Variants in PLS1 observed in about 807,000 individuals in gnomAD.
PLS1 encodes the protein plastin 1.
A neutral mutation model predicts 73.7 loss-of-function variants in PLS1; 32 were observed. That is an observed-to-expected ratio of 0.43 (90% confidence interval 0.33 to 0.58). The LOEUF is 0.58. PLS1 is among the 20% of genes least tolerant of loss of function. The probability of loss-of-function intolerance (pLI) is 0.04; values close to 1 mark genes in which losing one functional copy is unlikely to be tolerated. For missense variants in PLS1, 633 were observed against 740.5 expected, an observed-to-expected ratio of 0.85 and a Z score of 1.68; for synonymous variants, 217 against 261.3, an observed-to-expected ratio of 0.83 and a Z score of 1.63.
chr3:142,686,253 T>A, intron 8 of PLS1, 31 bp from the exon 9 acceptor site: 1 of 1,284,574 alleles, frequency 7.8e-7, no homozygotes, highest in South Asian at 1.2e-5. Flanking sequence ...TTATTCGTTT[T>A]AAAAATGCTA....
intron 1 of PLS1, among the ~76,000 whole-genome samples, chr3:142,602,105 C>G (rs948064842): frequency 1.9e-5 from 2 of 103,698 alleles, no homozygotes; most frequent in East Asian, 2.4e-4. Flanking sequence ...TAAATCGTTC[C>G]GGTTTTTTTT....
chr3:142,621,032 A>AAAATAAAATG (rs1180432565), intron 1 of PLS1, among the ~76,000 whole-genome samples: 1 of 152,120 alleles, frequency 6.6e-6, no homozygotes, highest in African/African-American at 2.4e-5. Context: ...AAAATAAAAT[A>AAAATAAAATG]AAATAAAAGA....
intron 1 of PLS1, among the ~76,000 whole-genome samples, chr3:142,608,574 T>A (rs2036066120): frequency 6.6e-6 from 1 of 152,158 alleles, no homozygotes; most frequent in Non-Finnish European, 1.5e-5. Context: ...GTAGAAGAGA[T>A]GAGATTTGAA....
intron 14 of PLS1, among the ~76,000 whole-genome samples, chr3:142,707,963 G>A (rs1308312134): frequency 6.6e-6 from 1 of 152,058 alleles, no homozygotes; most frequent in Non-Finnish European, 1.5e-5. Context: ...GTGTGACCAT[G>A]GGCAAGTTAT....
intron 6 of PLS1, among the ~76,000 whole-genome samples, chr3:142,681,867 A>G (rs557396742): frequency 6.6e-6 from 1 of 152,316 alleles, no homozygotes. Context: ...AACATGTTGC[A>G]ACTCCTTATT....
intron 1 of PLS1, among the ~76,000 whole-genome samples, chr3:142,620,188 G>C (rs768800232): frequency 6.6e-6 from 1 of 151,614 alleles, no homozygotes; most frequent in African/African-American, 2.4e-5. Flanking sequence ...GCAGTGGCAC[G>C]ATCTCGGCTC....
chr3:142,648,415 A>C (rs1205589372), intron 1 of PLS1, among the ~76,000 whole-genome samples: 1 of 152,184 alleles, frequency 6.6e-6, no homozygotes, highest in African/African-American at 2.4e-5. Flanking sequence ...CTCATGAAGG[A>C]AATTGAAGTA....
rs1170933037 is a variant in PLS1, at chr3:142,600,916, A to ATTTTTTTT, written c.-37+4425_-37+4432dup. ...TATATATATATATATATATATATAT[A>ATTTTTTTT]TTTTTTTTTTTTTTTTTTTTTTTTT... On this transcript the variant is annotated intron_variant, in intron 1 of 15. Transcript: ENST00000457734. Among the ~76,000 whole-genome samples, 56 of 14,840 alleles carry ATTTTTTTT rather than the reference A, an allele frequency of 3.8e-3. 13 individuals are homozygous for ATTTTTTTT. The highest frequency in any genetic ancestry group is 3.9e-3 in the Non-Finnish European group (35 of 8,992). 9.7% of individuals were successfully genotyped at this position (14,840 alleles called of 152,430 possible).
intron 1 of PLS1, among the ~76,000 whole-genome samples, chr3:142,642,773 C>T (rs2036868761): frequency 1.3e-5 from 2 of 152,312 alleles, no homozygotes; most frequent in South Asian, 4.1e-4. Context: ...TTTGCAGCCT[C>T]GACCTCCTGG....
intron 1 of PLS1, among the ~76,000 whole-genome samples, chr3:142,603,268 G>A (rs1190277004): frequency 6.6e-6 from 1 of 152,144 alleles, no homozygotes; most frequent in Non-Finnish European, 1.5e-5. Context: ...GTAAAGGCAC[G>A]TTGCTTTTTA....
intron 1 of PLS1, among the ~76,000 whole-genome samples, chr3:142,646,648 A>G (rs1374824588): frequency 1.3e-5 from 2 of 152,284 alleles, no homozygotes; most frequent in Non-Finnish European, 2.9e-5. Flanking sequence ...ATCTGGAGAC[A>G]GTGCTGCAAA....
rs1045795899 is a variant in PLS1 at position 142,649,386 on chromosome 3, A to G, written c.-36-14816A>G. ...CATGGTGGCTCACGCCTGTAATCCC[A>G]GCACTTTGGGAGGCTGAGAAGGATG... is the stretch of plus-strand genomic sequence containing the variant. On this transcript the variant is annotated intron_variant, in intron 1 of 15. Transcript: ENST00000457734. 1.1e-4 allele frequency among the ~76,000 whole-genome samples: 17 copies of G among 150,994 alleles called. No homozygotes were observed. In the East Asian group the frequency reaches 2.5e-3, roughly 22 times the overall value.
intron 12 of PLS1, among the ~76,000 whole-genome samples, chr3:142,703,242 G>A (rs1347116429): frequency 2.0e-5 from 3 of 151,254 alleles, no homozygotes; most frequent in Admixed American, 2.0e-4. Flanking sequence ...TAGGTTTTTA[G>A]GCACACATGT....
intron 12 of PLS1, among the ~76,000 whole-genome samples, chr3:142,702,108 A>G (rs933479337): frequency 6.6e-6 from 1 of 152,194 alleles, no homozygotes; most frequent in African/African-American, 2.4e-5. Context: ...AGTGCATGCT[A>G]TTCACAGGCG....
chr3:142,607,465 C>T (rs759778230), intron 1 of PLS1, among the ~76,000 whole-genome samples: 14 of 152,168 alleles, frequency 9.2e-5, no homozygotes, highest in Non-Finnish European at 1.3e-4. Flanking sequence ...TTAGTAGAGA[C>T]GGGTTTCACC....
At chr3:142,672,500 G>A (rs1306749202) in intron 4 of PLS1, among the ~76,000 whole-genome samples, 2 of 151,708 alleles carry the variant, frequency 1.3e-5, no homozygotes, top group Admixed American at 6.6e-5. Flanking sequence ...CCGCCAACAC[G>A]CCCAGCTAAT....
chr3:142,638,402 G>T (rs1055112890), intron 1 of PLS1, among the ~76,000 whole-genome samples: 5 of 152,126 alleles, frequency 3.3e-5, no homozygotes, highest in Admixed American at 2.0e-4. Context: ...TGTCATGAAG[G>T]GTTGACACCT....
intron 1 of PLS1, among the ~76,000 whole-genome samples, chr3:142,624,394 A>G (rs898299366): frequency 6.6e-6 from 1 of 152,176 alleles, no homozygotes; most frequent in African/African-American, 2.4e-5. Context: ...AAAAAACTCT[A>G]TATCTTTACC....
At chr3:142,696,720 A>AAAT (rs370809568) in intron 11 of PLS1, among the ~76,000 whole-genome samples, 47,202 of 136,602 alleles carry the variant, frequency 0.35, 8,022 homozygotes, top group East Asian at 0.4. Flanking sequence ...TCTATTTGCA[A>AAAT]AATAATAATA....
Sources: gnomAD v4.1 joint callset for allele counts (sites outside exome capture counted in the v4.1 genomes callset) on GRCh38, gnomAD v4.1.1 for gene constraint, MANE v1.5 for transcripts, NCBI Gene and HGNC (gene_info 2026-07-23, HGNC 2026-07-21) for gene names.